The following EFNA5 variants were observed in gnomAD, a reference collection of about 807,000 sequenced individuals.
The protein encoded by EFNA5 is ephrin-A5.
A neutral mutation model predicts 22.9 loss-of-function variants in EFNA5; 5 were observed. The ratio of observed to expected loss-of-function variants is 0.22; its 90% CI spans 0.11 to 0.46. EFNA5 has a LOEUF of 0.46. EFNA5 is among the 20% of genes least tolerant of loss of function. EFNA5 has a pLI of 0.99. For missense variants in EFNA5, 237 were observed against 293.3 expected, an observed-to-expected ratio of 0.81 and a Z score of 1.40; for synonymous variants, 113 against 112.2, an observed-to-expected ratio of 1.01 and a Z score of -0.04.
At chr5:107,570,245 G>T (rs73198665) in intron 1 of EFNA5, among the ~76,000 whole-genome samples, 4,220 of 152,278 alleles carry the variant, frequency 0.028, 198 homozygotes, top group African/African-American at 0.094. Flanking sequence ...GCCTTCAGTT[G>T]GTTCCAAACC....
At chr5:107,591,058 T>C (rs541767475) in intron 1 of EFNA5, among the ~76,000 whole-genome samples, 5 of 151,612 alleles carry the variant, frequency 3.3e-5, no homozygotes, top group Non-Finnish European at 7.4e-5. Flanking sequence ...CATGGAATTC[T>C]CAGTGCTGAG....
intron 1 of EFNA5, among the ~76,000 whole-genome samples, chr5:107,532,708 C>A (rs527795305): frequency 8.7e-4 from 132 of 152,328 alleles, no homozygotes; most frequent in African/African-American, 3.0e-3. Flanking sequence ...ACCTCTACCC[C>A]ACCTGCCATA....
intron 1 of EFNA5, among the ~76,000 whole-genome samples, chr5:107,563,073 T>C (rs1748584984): frequency 6.6e-6 from 1 of 152,188 alleles, no homozygotes; most frequent in Non-Finnish European, 1.5e-5. Flanking sequence ...ATGAGAGGGA[T>C]GCATGGGTTT....
At position 107,512,386 on chromosome 5, in the gene EFNA5, AAC is replaced by A. The variant is rs869130294; in HGVS notation, c.126-84879_126-84878del. ...ACAAAACAACAACAACAACAACAACAACAAAAAACACAAAAACCCCCACCTTG... is the reference window on the plus strand; with the variant it reads ...ACAAAACAACAACAACAACAACAACAAAAAAACACAAAAACCCCCACCTTG... On this transcript the variant is annotated intron_variant, in intron 1 of 4. Transcript: ENST00000333274. 6.2e-3 allele frequency among the ~76,000 whole-genome samples: 943 copies of A among 151,878 alleles called. 15 individuals are homozygous for A. Among genetic ancestry groups the A allele is most frequent in the African/African-American group, 0.021 (865 of 41,292 alleles).
At chr5:107,477,851 C>A (rs1463782011) in intron 1 of EFNA5, among the ~76,000 whole-genome samples, 1 of 151,976 alleles carries the variant, frequency 6.6e-6, no homozygotes, top group Non-Finnish European at 1.5e-5. Context: ...AATCAATATA[C>A]CCTAAATCAA....
chr5:107,418,000 ACT>A (rs1054108025), intron 2 of EFNA5, among the ~76,000 whole-genome samples: 81 of 152,238 alleles, frequency 5.3e-4, no homozygotes, highest in African/African-American at 1.9e-3. Flanking sequence ...GTAACCTTTC[ACT>A]CTGTGTGTAT....
At chr5:107,432,282 C>A (rs1450328171) in intron 1 of EFNA5, among the ~76,000 whole-genome samples, 1 of 152,248 alleles carries the variant, frequency 6.6e-6, no homozygotes, top group Admixed American at 6.5e-5. Flanking sequence ...CATCAGGAAG[C>A]AGCTTTCATG....
intron 1 of EFNA5, among the ~76,000 whole-genome samples, chr5:107,432,852 C>T (rs1248094535): frequency 1.3e-5 from 2 of 152,150 alleles, no homozygotes; most frequent in African/African-American, 4.8e-5. Context: ...ACCTGTGCCA[C>T]CCCTGAGACA....
chr5:107,531,201 G>A (rs1221151058), intron 1 of EFNA5, among the ~76,000 whole-genome samples: 1 of 152,146 alleles, frequency 6.6e-6, no homozygotes, highest in African/African-American at 2.4e-5. Context: ...TTAACTGTAA[G>A]CTCACCCTGG....
intron 2 of EFNA5, among the ~76,000 whole-genome samples, chr5:107,393,344 A>G (rs757940796): frequency 6.6e-6 from 1 of 152,218 alleles, no homozygotes; most frequent in Non-Finnish European, 1.5e-5. Flanking sequence ...ATTCTTCTTC[A>G]TGAAGAACCA....
At chr5:107,459,651 C>T (rs1749784911) in intron 1 of EFNA5, among the ~76,000 whole-genome samples, 1 of 152,106 alleles carries the variant, frequency 6.6e-6, no homozygotes, top group African/African-American at 2.4e-5. Flanking sequence ...ATTGAAGACC[C>T]TGTGAGAGTT....
rs149492637 is a variant in EFNA5, at chr5:107,551,859, A to T, written c.125+118630T>A. Among the ~76,000 whole-genome samples the T allele has an allele frequency of 4.4e-3, 672 of 152,260 alleles. 9 individuals carry two copies. The highest frequency in any genetic ancestry group is 0.015 in the African/African-American group (611 of 41,532). ...CTGAAAAATCTCCTAGGACATGATAATTCTTTTAAGTCTAAGAAGGAACTA... is the reference window on the plus strand; with the variant it reads ...CTGAAAAATCTCCTAGGACATGATATTTCTTTTAAGTCTAAGAAGGAACTA... On this transcript the variant is annotated intron_variant, in intron 1 of 4. Coordinates refer to ENST00000333274, the MANE Select transcript of EFNA5 (RefSeq NM_001962.3).
At chr5:107,493,548 AAAAC>A (rs1377154769) in intron 1 of EFNA5, among the ~76,000 whole-genome samples, 2 of 152,246 alleles carry the variant, frequency 1.3e-5, no homozygotes, top group Non-Finnish European at 2.9e-5. Context: ...AACAAAAACA[AAAAC>A]AAACAAGTAT....
chr5:107,614,896 T>A (rs1486073389), intron 1 of EFNA5, among the ~76,000 whole-genome samples: 2 of 152,146 alleles, frequency 1.3e-5, no homozygotes, highest in Non-Finnish European at 1.5e-5. Context: ...TACAAAAAAA[T>A]ATGCCATATG....
chr5:107,471,922 G>T (rs964174607), intron 1 of EFNA5, among the ~76,000 whole-genome samples: 13 of 152,108 alleles, frequency 8.5e-5, no homozygotes. Context: ...TTTATCTATT[G>T]TTTCTTTTAA....
intron 1 of EFNA5, among the ~76,000 whole-genome samples, chr5:107,629,424 G>A (rs546298578): frequency 4.7e-4 from 71 of 152,192 alleles, no homozygotes; most frequent in Middle Eastern, 3.4e-3. Flanking sequence ...TATAATAGTG[G>A]AATACATGTC....
intron 1 of EFNA5, among the ~76,000 whole-genome samples, chr5:107,661,140 AG>A (rs1750948881): frequency 2.3e-5 from 3 of 131,368 alleles, no homozygotes; most frequent in African/African-American, 5.1e-5. Flanking sequence ...AAGAAGAAGA[AG>A]AAGAAAAAAA....
At chr5:107,613,695 C>T (rs1285301236) in intron 1 of EFNA5, among the ~76,000 whole-genome samples, 2 of 152,026 alleles carry the variant, frequency 1.3e-5, no homozygotes, top group Non-Finnish European at 2.9e-5. Flanking sequence ...TCCTGAATCA[C>T]TAAGTAATTT....
chr5:107,507,543 A>G (rs114897050), intron 1 of EFNA5, among the ~76,000 whole-genome samples: 1,829 of 152,268 alleles, frequency 0.012, 27 homozygotes, highest in African/African-American at 0.04. Flanking sequence ...TTGGATATAA[A>G]TAACGGAAAA....
Sources: allele counts gnomAD v4.1 joint callset (sites outside exome capture counted in the v4.1 genomes callset), GRCh38; gene constraint gnomAD v4.1.1; transcripts MANE v1.5; gene names NCBI Gene and HGNC (gene_info 2026-07-23, HGNC 2026-07-21).